The following UNC5D variants were observed in gnomAD, a reference collection of about 807,000 sequenced individuals.
The protein encoded by UNC5D is netrin receptor UNC5D.
UNC5D carries 39 observed loss-of-function variants against 105.4 expected under a neutral mutation model. That is an observed-to-expected ratio of 0.37 (90% CI 0.29 to 0.48). UNC5D has a LOEUF of 0.48. Ranked by LOEUF, UNC5D falls within the 20% of genes least tolerant of loss-of-function variation. The probability of loss-of-function intolerance (pLI) is 0.98; values close to 1 mark genes in which losing one functional copy is unlikely to be tolerated. For missense variants in UNC5D, 991 were observed against 1,202.4 expected, an observed-to-expected ratio of 0.82 and a Z score of 2.60; for synonymous variants, 452 against 450.4, an observed-to-expected ratio of 1.00 and a Z score of -0.04.
At chr8:35,352,540 T>G (rs1176180148) in intron 1 of UNC5D, among the ~76,000 whole-genome samples, 1 of 152,160 alleles carries the variant, frequency 6.6e-6, no homozygotes, top group African/African-American at 2.4e-5. Flanking sequence ...AAAAATAAAT[T>G]ATTCATTAAT....
chr8:35,536,211 C>A (rs957966751), intron 1 of UNC5D, among the ~76,000 whole-genome samples: 1 of 152,210 alleles, frequency 6.6e-6, no homozygotes, highest in African/African-American at 2.4e-5. Flanking sequence ...ACATCCCAAT[C>A]AGGATAACTG....
rs1015854245 is a variant in UNC5D, at chr8:35,767,023, A to G, written c.2435A>G (p.Lys812Arg). 3 of 1,613,896 alleles carry G rather than the reference A, an allele frequency of 1.9e-6. No individual in the cohort carries two copies. The highest frequency in any genetic ancestry group is 4.5e-5 in the East Asian group (2 of 44,880). Residue 812 changes from lysine (K) to arginine (R), a missense_variant, in exon 15 of 17, where the codon AAA becomes AGA. Lys to Arg is a conservative substitution (Grantham distance 26, BLOSUM62 2). Coordinates refer to ENST00000404895, the MANE Select transcript of UNC5D (RefSeq NM_080872.4). Reference sequence around the variant, plus strand: ...TGCAAAATCTGCATTCGGCAGCTCAAAGGCCATGAACAGATCCTCCAAGTG... The same window carrying G: ...TGCAAAATCTGCATTCGGCAGCTCAGAGGCCATGAACAGATCCTCCAAGTG... ...LSCKICIRQLKGHEQILQVQT... is the reference protein window; with the variant it reads ...LSCKICIRQLRGHEQILQVQT...
At chr8:35,386,018 T>C (rs967215644) in intron 1 of UNC5D, among the ~76,000 whole-genome samples, 3 of 152,196 alleles carry the variant, frequency 2.0e-5, no homozygotes, top group African/African-American at 7.2e-5. Flanking sequence ...ACATCTCAGG[T>C]GTGTCCATAG....
At chr8:35,767,143 G>T (rs138790083) in intron 15 of UNC5D, 77 bp downstream of exon 15, 10 of 1,460,924 alleles carry the variant, frequency 6.8e-6, no homozygotes, top group Non-Finnish European at 8.2e-6. Flanking sequence ...CCTACCAGCC[G>T]TGCTATTCAG....
intron 1 of UNC5D, among the ~76,000 whole-genome samples, chr8:35,273,645 T>C (rs1029177670): frequency 2.6e-5 from 4 of 152,202 alleles, no homozygotes; most frequent in Admixed American, 2.6e-4. Context: ...AATTAATAGC[T>C]GAAACTCAGG....
chr8:35,611,158 C>T (rs930497436), intron 4 of UNC5D, among the ~76,000 whole-genome samples: 1 of 151,942 alleles, frequency 6.6e-6, no homozygotes, highest in Admixed American at 6.6e-5. Context: ...GATGTAAAGC[C>T]TCATTATGTT....
chr8:35,467,438 A>G (rs1272281647), intron 1 of UNC5D, among the ~76,000 whole-genome samples: 1 of 152,142 alleles, frequency 6.6e-6, no homozygotes. Flanking sequence ...AAGGCAGGGT[A>G]GAAGATAATT....
intron 3 of UNC5D, among the ~76,000 whole-genome samples, chr8:35,587,725 C>T (rs1268411661): frequency 6.6e-6 from 1 of 151,902 alleles, no homozygotes; most frequent in Admixed American, 6.6e-5. Context: ...ACAAGATGTA[C>T]TTCTCTTCTG....
chr8:35,281,479 G>A (rs937664298), intron 1 of UNC5D, among the ~76,000 whole-genome samples: 3 of 147,060 alleles, frequency 2.0e-5, no homozygotes, highest in Admixed American at 1.4e-4. Context: ...TCGCTCTGTC[G>A]CCCAGGCTGG....
At chr8:35,421,127 A>G (rs1805873174) in intron 1 of UNC5D, among the ~76,000 whole-genome samples, 1 of 152,246 alleles carries the variant, frequency 6.6e-6, no homozygotes, top group South Asian at 2.1e-4. Context: ...GTTTGCTCTC[A>G]GGAAAGGTTA....
At chr8:35,738,680 A>G (rs1477751674) in intron 11 of UNC5D, among the ~76,000 whole-genome samples, 1 of 152,220 alleles carries the variant, frequency 6.6e-6, no homozygotes, top group Non-Finnish European at 1.5e-5. Context: ...TTAAAGGTAC[A>G]TCATATTAGT....
At chr8:35,660,957 G>T (rs1338828359) in intron 4 of UNC5D, among the ~76,000 whole-genome samples, 1 of 152,034 alleles carries the variant, frequency 6.6e-6, no homozygotes, top group Admixed American at 6.6e-5. Context: ...AACTAGCTGG[G>T]CATGGTGGCT....
intron 4 of UNC5D, among the ~76,000 whole-genome samples, chr8:35,596,990 A>C (rs962759401): frequency 1.3e-5 from 2 of 152,176 alleles, no homozygotes; most frequent in African/African-American, 4.8e-5. Context: ...GGAAGCTAGG[A>C]AACAGTGTTT....
intron 1 of UNC5D, among the ~76,000 whole-genome samples, chr8:35,402,285 T>C (rs1448820251): frequency 6.6e-6 from 1 of 152,146 alleles, no homozygotes; most frequent in Non-Finnish European, 1.5e-5. Context: ...CAGTTCAACG[T>C]GGCTGGGGAG....
rs1249122575 is a variant in UNC5D at position 35,683,676 on chromosome 8, G to A, written c.700G>A (p.Ala234Thr). 1.3e-6 allele frequency: 2 copies of A among 1,563,528 alleles called. No individual in the cohort carries two copies. The highest frequency in any genetic ancestry group is 2.1e-5 in the Admixed American group (1 of 47,032). Residue 234 changes from alanine (A) to threonine (T), a missense_variant, in exon 5 of 17, where the codon GCC becomes ACC. Around this residue, in one of 3 missense-constraint regions of UNC5D, gnomAD observed 944 missense variants for 1,131.6 expected, o/e 0.83. Transcript: ENST00000404895. The part of the protein sequence containing the change: ...SDSGNYTCMA[A>T]NIVAKRRSLS... ...CTCAGGAAATTACACCTGCATGGCA[G>A]CCAACATCGTGGCTAAGAGGAGAAG...
At chr8:35,679,892 T>C (rs1035906135) in intron 4 of UNC5D, among the ~76,000 whole-genome samples, 3 of 152,292 alleles carry the variant, frequency 2.0e-5, no homozygotes, top group Middle Eastern at 3.4e-3. Context: ...GAGCTATGTC[T>C]GGTGAGAGCC....
intron 1 of UNC5D, among the ~76,000 whole-genome samples, chr8:35,309,714 T>C (rs1585553442): frequency 6.6e-6 from 1 of 152,200 alleles, no homozygotes; most frequent in East Asian, 1.9e-4. Flanking sequence ...CCTAGTAATG[T>C]AGAGTCTTCT....
chr8:35,748,718 T>G, intron 12 of UNC5D, 23 bp downstream of exon 12: 1 of 1,607,506 alleles, frequency 6.2e-7, no homozygotes, highest in South Asian at 1.1e-5. Flanking sequence ...ACTTCCTTTT[T>G]TAAACAGTGG....
chr8:35,705,128 C>CT (rs903375377), intron 7 of UNC5D, among the ~76,000 whole-genome samples: 1 of 152,112 alleles, frequency 6.6e-6, no homozygotes, highest in Non-Finnish European at 1.5e-5. Flanking sequence ...CCTCGCCCGG[C>CT]TAATTTTTTA....
Sources: gnomAD v4.1 joint callset for allele counts (sites outside exome capture counted in the v4.1 genomes callset) on GRCh38, gnomAD v4.1.1 for gene constraint, gnomAD v4.1.1 regional missense constraint, MANE v1.5 for transcripts, NCBI Gene and HGNC (gene_info 2026-07-23, HGNC 2026-07-21) for gene names.